SAMD3: variants seen among roughly 807,000 people sequenced by gnomAD.
SAMD3 encodes sterile alpha motif domain-containing protein 3.
Under a neutral mutation model 58.5 loss-of-function variants are expected in SAMD3, and 63 were observed. The observed-to-expected ratio is 1.08, with a 90% CI of 0.88 to 1.33. SAMD3 has a LOEUF of 1.33. Among genes scored for constraint, SAMD3 ranks in the 40% most tolerant of loss-of-function variants. SAMD3 has a pLI of 0.00. For synonymous variants in SAMD3, 220 were observed against 210.3 expected (o/e 1.05, Z -0.40); for missense variants, 604 against 608.4 (o/e 0.99, Z 0.08).
chr6:130,228,884 C>T (rs1281945460), intron 2 of SAMD3, among the ~76,000 whole-genome samples: 1 of 152,166 alleles, frequency 6.6e-6, no homozygotes, highest in African/African-American at 2.4e-5. Flanking sequence ...GGCTCCTTGC[C>T]ATTGGGAAGG....
intron 1 of SAMD3, among the ~76,000 whole-genome samples, chr6:130,364,738 A>T (rs1778084611): frequency 6.6e-6 from 1 of 151,996 alleles, no homozygotes; most frequent in Non-Finnish European, 1.5e-5. Flanking sequence ...TGACATCTCC[A>T]CTAAAAGTGC....
chr6:130,193,402 G>T (rs147953008), intron 5 of SAMD3, among the ~76,000 whole-genome samples: 1 of 151,582 alleles, frequency 6.6e-6, no homozygotes, highest in African/African-American at 2.4e-5. Context: ...CCTTATTTCC[G>T]TGCCCTGACC....
intron 1 of SAMD3, among the ~76,000 whole-genome samples, chr6:130,343,673 A>C (rs1307278840): frequency 1.3e-5 from 2 of 152,064 alleles, no homozygotes; most frequent in African/African-American, 4.8e-5. Flanking sequence ...ATTATTGACA[A>C]TGAGTCATGG....
chr6:130,156,863 G>A (rs1789830433), intron 8 of SAMD3, among the ~76,000 whole-genome samples: 1 of 152,076 alleles, frequency 6.6e-6, no homozygotes, highest in South Asian at 2.1e-4. Context: ...TAGGTCAGGA[G>A]TTTGAGACCA....
intron 1 of SAMD3, among the ~76,000 whole-genome samples, chr6:130,344,936 C>T (rs1023056493): frequency 6.6e-6 from 1 of 151,698 alleles, no homozygotes; most frequent in Non-Finnish European, 1.5e-5. Flanking sequence ...ATGCCCACCC[C>T]CCTCCATCTC....
chr6:130,333,192 G>T (rs750615021), intron 1 of SAMD3, among the ~76,000 whole-genome samples: 3 of 151,950 alleles, frequency 2.0e-5, no homozygotes, highest in Non-Finnish European at 2.9e-5. Context: ...TATGACCTAG[G>T]TCTTTTTTGC....
intron 4 of SAMD3, among the ~76,000 whole-genome samples, chr6:130,210,015 G>A (rs1433807803): frequency 6.6e-6 from 1 of 152,178 alleles, no homozygotes; most frequent in Non-Finnish European, 1.5e-5. Flanking sequence ...TTTATTATCT[G>A]TGAAACCTCA....
intron 5 of SAMD3, among the ~76,000 whole-genome samples, chr6:130,195,507 T>C (rs1330812989): frequency 6.6e-6 from 1 of 152,180 alleles, no homozygotes; most frequent in Non-Finnish European, 1.5e-5. Context: ...GTTTTGCCTA[T>C]CCACCCCATG....
At chr6:130,237,706 C>T (rs538812226) in intron 2 of SAMD3, among the ~76,000 whole-genome samples, 2 of 152,240 alleles carry the variant, frequency 1.3e-5, no homozygotes, top group African/African-American at 4.8e-5. Flanking sequence ...GAGGTGAATA[C>T]ATTACCAACT....
intron 1 of SAMD3, among the ~76,000 whole-genome samples, chr6:130,341,086 A>ACT (rs1777255554): frequency 6.6e-6 from 1 of 150,682 alleles, no homozygotes; most frequent in South Asian, 2.1e-4. Flanking sequence ...GATTCCACAA[A>ACT]CTCTCAGTGT....
chr6:130,280,309 T>A (rs1562496496), intron 2 of SAMD3, among the ~76,000 whole-genome samples: 2 of 152,230 alleles, frequency 1.3e-5, no homozygotes, highest in Admixed American at 6.5e-5. Flanking sequence ...TAATTATTTT[T>A]TTGCCCTTGA....
intron 5 of SAMD3, among the ~76,000 whole-genome samples, chr6:130,204,176 C>A (rs774100964): frequency 2.6e-5 from 4 of 152,172 alleles, no homozygotes; most frequent in Middle Eastern, 3.4e-3. Flanking sequence ...AGGTGAGAAG[C>A]CTTTAAAGTA....
upstream of SAMD3, among the ~76,000 whole-genome samples, chr6:130,226,760 G>A (rs1336529004): frequency 1.3e-5 from 2 of 152,054 alleles, no homozygotes; most frequent in Non-Finnish European, 2.9e-5. Context: ...CCTGGGAAGC[G>A]GAGGTTGCAG....
intron 8 of SAMD3, among the ~76,000 whole-genome samples, chr6:130,156,855 G>T (rs1789829894): frequency 6.6e-6 from 1 of 152,028 alleles, no homozygotes; most frequent in African/African-American, 2.4e-5. Context: ...GATCACCTTA[G>T]GTCAGGAGTT....
intron 2 of SAMD3, among the ~76,000 whole-genome samples, chr6:130,291,855 G>A (rs12211846): frequency 0.28 from 42,342 of 151,974 alleles, 6,363 homozygotes; most frequent in East Asian, 0.45. Context: ...TCCCAATTTC[G>A]TTAGAGTCAC....
At chr6:130,190,289 T>C (rs1173075340) in intron 5 of SAMD3, among the ~76,000 whole-genome samples, 1 of 147,676 alleles carries the variant, frequency 6.8e-6, no homozygotes, top group African/African-American at 2.5e-5. Flanking sequence ...GTAACATTCA[T>C]ATTTAATCCA....
In SAMD3 at chr6:130,337,954, A is replaced by AT. The variant is rs570346541; in HGVS notation, c.-303-24862dup. Among the ~76,000 whole-genome samples the AT allele has an allele frequency of 3.4e-4, 52 of 152,360 alleles. 2 individuals carry two copies. In the East Asian group the frequency reaches 7.1e-3, roughly 21 times the overall value. On this transcript the variant is annotated intron_variant, in intron 1 of 13. Coordinates refer to the SAMD3 transcript ENST00000368134. ...AAGTTCACTGCAGAAATTTGCATAA[A>AT]TAACAAGGTATCAAATGCTAATCAC...
intron 2 of SAMD3, among the ~76,000 whole-genome samples, chr6:130,311,779 T>G (rs1486811187): frequency 6.6e-6 from 1 of 152,148 alleles, no homozygotes; most frequent in Non-Finnish European, 1.5e-5. Flanking sequence ...TGGAGCAGTT[T>G]CAAGTCCTGT....
chr6:130,242,215 TA>T (rs1278376029), intron 2 of SAMD3, among the ~76,000 whole-genome samples: 1 of 152,208 alleles, frequency 6.6e-6, no homozygotes, highest in Non-Finnish European at 1.5e-5. Context: ...TTTTTTTCTA[TA>T]AAGGGCCAAA....
Sources: gnomAD v4.1 joint callset for allele counts (sites outside exome capture counted in the v4.1 genomes callset) on GRCh38, gnomAD v4.1.1 for gene constraint, MANE v1.5 for transcripts, NCBI Gene and HGNC (gene_info 2026-07-23, HGNC 2026-07-21) for gene names.